BPIFA2: variants seen among roughly 807,000 people sequenced by gnomAD.
BPIFA2 encodes BPI fold containing family A member 2.
A neutral mutation model predicts 25.7 loss-of-function variants in BPIFA2; 20 were observed. The ratio of observed to expected loss-of-function variants is 0.78; its 90% confidence interval spans 0.55 to 1.13. BPIFA2 has a LOEUF of 1.13. BPIFA2 is among the 50% of genes most tolerant of loss of function. The probability of loss-of-function intolerance (pLI) is 0.00; values close to 1 mark genes in which losing one functional copy is unlikely to be tolerated. For missense variants in BPIFA2, 300 were observed against 298.1 expected (o/e 1.01, Z -0.05); for synonymous variants, 126 against 124.3 (o/e 1.01, Z -0.09).
intron 5 of BPIFA2, 71 bp downstream of exon 5, chr20:33,175,630 C>T: frequency 4.6e-6 from 7 of 1,523,726 alleles, no homozygotes; most frequent in Non-Finnish European, 5.4e-6. Context: ...AGCTCTAGTC[C>T]TCTACCTAAG....
upstream of BPIFA2, among the ~76,000 whole-genome samples, chr20:33,163,624 A>G (rs1983640427): frequency 6.6e-6 from 1 of 152,116 alleles, no homozygotes; most frequent in Non-Finnish European, 1.5e-5. Context: ...GGAGTTTGAG[A>G]CCAGCCTGGC....
intron 5 of BPIFA2, among the ~76,000 whole-genome samples, chr20:33,175,964 A>G (rs536698082): frequency 5.3e-5 from 8 of 152,092 alleles, no homozygotes; most frequent in South Asian, 4.2e-4. Flanking sequence ...TCTGCTTCAT[A>G]CCCTTTGGAG....
chr20:33,178,349 G>A, intron 6 of BPIFA2, 121 bp downstream of exon 6: 1 of 711,358 alleles, frequency 1.4e-6, no homozygotes, highest in Non-Finnish European at 2.2e-6. Flanking sequence ...CTCCTTAGGA[G>A]GTCAGCTGGA....
chr20:33,164,350 G>T (rs1271018765), upstream of BPIFA2, among the ~76,000 whole-genome samples: 2 of 152,214 alleles, frequency 1.3e-5, no homozygotes, highest in Non-Finnish European at 2.9e-5. Flanking sequence ...CAGAGAGCTC[G>T]CTCATGTCAA....
chr20:33,169,589 A>G (rs2146450891), intron 2 of BPIFA2, among the ~76,000 whole-genome samples: 1 of 152,368 alleles, frequency 6.6e-6, no homozygotes, highest in South Asian at 2.1e-4. Flanking sequence ...CTATGTTAAC[A>G]CTTTCTCCAA....
rs1983945383 is a variant in BPIFA2, at chr20:33,172,872, G to A, written c.158-60G>A. 2.6e-6 allele frequency: 4 copies of A among 1,566,102 alleles called. No individual in the cohort carries two copies. The Admixed American group carries it at 5.5e-5, about 22-fold the overall frequency. ...AGGCAAACAGTCTTACCCGGTACCT[G>A]GAGCATCGTAGCTACTTCGTAAGTG... On this transcript the variant is annotated intron_variant, in intron 2 of 8. Coordinates refer to ENST00000354932, the MANE Select transcript of BPIFA2 (RefSeq NM_080574.4).
chr20:33,177,214 G>A (rs569092690), intron 5 of BPIFA2, among the ~76,000 whole-genome samples: 114 of 152,198 alleles, frequency 7.5e-4, no homozygotes, highest in African/African-American at 2.5e-3. Flanking sequence ...AATTAGCCGG[G>A]GGTGGTGGCG....
upstream of BPIFA2, among the ~76,000 whole-genome samples, chr20:33,163,677 C>T (rs574908923): frequency 5.3e-4 from 80 of 152,204 alleles, 1 homozygote; most frequent in African/African-American, 1.7e-3. Flanking sequence ...CAAAAATTAG[C>T]AGGGTGTGGT....
intron 2 of BPIFA2, among the ~76,000 whole-genome samples, chr20:33,172,633 A>G (rs1983936889): frequency 6.6e-6 from 1 of 152,128 alleles, no homozygotes. Flanking sequence ...ATCAATAGCA[A>G]TTGCCTGGCC....
At chr20:33,172,389 G>A (rs148482835) in intron 2 of BPIFA2, among the ~76,000 whole-genome samples, 9,642 of 150,486 alleles carry the variant, frequency 0.064, 1,016 homozygotes, top group African/African-American at 0.22. Context: ...CATGTATCCC[G>A]GAACTTAAAG....
intron 5 of BPIFA2, 90 bp downstream of exon 5, chr20:33,175,649 T>C: frequency 7.3e-7 from 1 of 1,376,886 alleles, no homozygotes; most frequent in East Asian, 2.4e-5. Context: ...AGAGGAGGCC[T>C]AGTGGTGAAA....
chr20:33,162,398 G>A (rs1487883801), intron 1 of BPIFA2, among the ~76,000 whole-genome samples: 9 of 152,110 alleles, frequency 5.9e-5, no homozygotes, highest in Non-Finnish European at 1.0e-4. Context: ...GATTAGCACC[G>A]ATTTTAGAGA....
intron 2 of BPIFA2, among the ~76,000 whole-genome samples, chr20:33,170,348 A>C (rs1983858171): frequency 6.6e-6 from 1 of 152,050 alleles, no homozygotes; most frequent in Non-Finnish European, 1.5e-5. Context: ...GTTGTTTCTC[A>C]CTTGAATTAT....
At chr20:33,166,208 G>C (rs1983718591), upstream of BPIFA2, among the ~76,000 whole-genome samples, 1 of 151,954 alleles carries the variant, frequency 6.6e-6, no homozygotes, top group African/African-American at 2.4e-5. Flanking sequence ...GTAGAGACAG[G>C]GTTTCACCAT....
At chr20:33,163,691 G>T (rs1361848742), upstream of BPIFA2, among the ~76,000 whole-genome samples, 1 of 152,126 alleles carries the variant, frequency 6.6e-6, no homozygotes, top group Admixed American at 6.5e-5. Flanking sequence ...GTGTGGTGGT[G>T]CATGCTTGTA....
chr20:33,174,223 A>G lies in BPIFA2; in HGVS notation c.410+37A>G, dbSNP rs1341369465. On this transcript the variant is annotated intron_variant, in intron 4 of 8. Transcript: ENST00000354932. The stretch of plus-strand genomic sequence containing the variant: ...CTAGAATCTGAGATTTGGGAAAGGC[A>G]GTGCAACCTGGCCGATGGATGCCCA... 6.9e-6 allele frequency: 11 copies of G among 1,598,378 alleles called. No homozygotes were observed. In the East Asian group the frequency reaches 2.5e-4, roughly 36 times the overall value.
intron 1 of BPIFA2, among the ~76,000 whole-genome samples, chr20:33,168,642 A>G (rs1031561757): frequency 3.9e-5 from 6 of 152,228 alleles, no homozygotes; most frequent in Non-Finnish European, 1.5e-5. Flanking sequence ...ACAGTGAAAT[A>G]AGTCACAGTC....
chr20:33,169,108 C>T (rs1311633032), intron 1 of BPIFA2, 23 bp from the exon 2 acceptor site: 1 of 1,598,896 alleles, frequency 6.3e-7, no homozygotes, highest in African/African-American at 1.3e-5. Flanking sequence ...ATTCTCACTC[C>T]TGTTCTTCCC....
rs2146454283 is a variant in BPIFA2 at position 33,174,103 on chromosome 20, C to A, written c.327C>A (p.Ile109=). ...GGTTGAAAATCAGCAACTCCCTCAT[C>A]CTGGATGTCAAAGCTGAACCGATCG... ...IFGLKISNSL[I]LDVKAEPIDD... is the part of the protein sequence containing the mutation. Residue 109 remains isoleucine (I), a synonymous_variant, in exon 4 of 9, where the codon ATC becomes ATA. Transcript: ENST00000354932. 1 of 1,614,118 alleles carries A rather than the reference C, an allele frequency of 6.2e-7. No homozygotes were observed. The highest frequency in any genetic ancestry group is 8.5e-7 in the Non-Finnish European group (1 of 1,180,000).
Sources: allele counts gnomAD v4.1 joint callset (sites outside exome capture counted in the v4.1 genomes callset), GRCh38; gene constraint gnomAD v4.1.1; transcripts MANE v1.5; gene names NCBI Gene and HGNC (gene_info 2026-07-23, HGNC 2026-07-21).